The following RASGRF1 variants were observed in gnomAD, a reference collection of about 807,000 sequenced individuals.
The protein encoded by RASGRF1 is Ras protein specific guanine nucleotide releasing factor 1.
In RASGRF1, 40 loss-of-function variants were observed where a neutral mutation model predicts 138.7. The ratio of observed to expected loss-of-function variants is 0.29; its 90% CI spans 0.22 to 0.38. RASGRF1 has a LOEUF of 0.38. RASGRF1 is among the 10% of genes least tolerant of loss of function. The probability of loss-of-function intolerance (pLI) is 1.00; values close to 1 mark genes in which losing one functional copy is unlikely to be tolerated. For missense variants in RASGRF1, 1,108 were observed against 1,650.4 expected (o/e 0.67, Z 5.69); for synonymous variants, 614 against 663.2 (o/e 0.93, Z 1.14).
At chr15:79,033,377 G>A (rs937812573) in intron 6 of RASGRF1, among the ~76,000 whole-genome samples, 1 of 151,868 alleles carries the variant, frequency 6.6e-6, no homozygotes, top group African/African-American at 2.4e-5. Context: ...CAAGTAGCTG[G>A]GACTACAGGT....
intron 2 of RASGRF1, among the ~76,000 whole-genome samples, 154 bp from the exon 3 acceptor site, chr15:79,058,635 G>C (rs1488527918): frequency 6.6e-6 from 1 of 152,164 alleles, no homozygotes; most frequent in Non-Finnish European, 1.5e-5. Context: ...GGCTTGGCAG[G>C]GTAGAGGTGG....
At chr15:79,023,719 C>A (rs2056999613) in intron 10 of RASGRF1, among the ~76,000 whole-genome samples, 2 of 152,152 alleles carry the variant, frequency 1.3e-5, no homozygotes, top group Admixed American at 1.3e-4. Flanking sequence ...TGCAGGGCCG[C>A]AAGGTCCTGA....
chr15:78,967,233 A>G (rs1009286567), intron 26 of RASGRF1, among the ~76,000 whole-genome samples: 2 of 151,672 alleles, frequency 1.3e-5, no homozygotes, highest in Non-Finnish European at 2.9e-5. Flanking sequence ...ACAGAGTGAG[A>G]CCCTGCCTCA....
chr15:78,993,229 G>GTTTGTT, intron 20 of RASGRF1, among the ~76,000 whole-genome samples: 1 of 82,510 alleles, frequency 1.2e-5, no homozygotes, highest in African/African-American at 4.7e-5. Context: ...GCCTGTGTGG[G>GTTTGTT]TGATGTGTGT....
chr15:79,049,418 G>T, intron 4 of RASGRF1, 78 bp downstream of exon 4: 1 of 1,340,782 alleles, frequency 7.5e-7, no homozygotes, highest in Non-Finnish European at 1.1e-6. Flanking sequence ...TGGGGCTGTG[G>T]TGTGGATACT....
At chr15:78,977,255 G>A (rs2055892137) in intron 24 of RASGRF1, among the ~76,000 whole-genome samples, 2 of 152,150 alleles carry the variant, frequency 1.3e-5, no homozygotes, top group African/African-American at 4.8e-5. Context: ...TCTCTTACAA[G>A]TTTCTGCCGG....
intron 13 of RASGRF1, among the ~76,000 whole-genome samples, chr15:79,013,308 AC>A: frequency 6.6e-6 from 1 of 152,214 alleles, no homozygotes; most frequent in East Asian, 1.9e-4. Flanking sequence ...TTTCTGCTGT[AC>A]CCCACCACCT....
chr15:79,024,483 T>C (rs1487145837), intron 10 of RASGRF1, among the ~76,000 whole-genome samples: 2 of 151,878 alleles, frequency 1.3e-5, no homozygotes, highest in South Asian at 4.1e-4. Flanking sequence ...CATACTGATA[T>C]GGTTTGGCTG....
At chr15:78,984,979 G>A (rs2056118113) in intron 23 of RASGRF1, 28 bp downstream of exon 23, 2 of 1,605,170 alleles carry the variant, frequency 1.2e-6, no homozygotes, top group Non-Finnish European at 1.7e-6. Flanking sequence ...GCCCCAGGGA[G>A]GCAGTGGTGC....
intron 24 of RASGRF1, among the ~76,000 whole-genome samples, chr15:78,977,928 G>A (rs2055907569): frequency 6.6e-6 from 1 of 152,216 alleles, no homozygotes; most frequent in South Asian, 2.1e-4. Context: ...GGAGCTGGGG[G>A]AAGGTTCCGA....
chr15:78,973,302 C>A lies in RASGRF1; in HGVS notation c.3612+1G>T. 1 of 1,604,490 alleles carries A rather than the reference C, an allele frequency of 6.2e-7. No individual in the cohort carries two copies. Among genetic ancestry groups the A allele is most frequent in the Admixed American group, 1.7e-5 (1 of 59,648 alleles). On this transcript the variant is annotated splice_donor_variant, in intron 25 of 26. Transcript: ENST00000558480. LOFTEE classifies it high-confidence loss of function. This position sits in a 1 kb window ranked among gnomAD's most constrained non-coding sequence, Gnocchi z 4.9. ...CCCCTGCCTGGCTGGGGGGAACGCA[C>A]CATCCTCATCTTGGAGAAGTTGACC...
At chr15:79,084,658 A>G (rs1344422960) in intron 1 of RASGRF1, among the ~76,000 whole-genome samples, 1 of 152,192 alleles carries the variant, frequency 6.6e-6, no homozygotes, top group Admixed American at 6.5e-5. Flanking sequence ...TGTCCTTACC[A>G]TACTAGAGGG....
chr15:79,076,367 G>A (rs1203489887), intron 1 of RASGRF1, among the ~76,000 whole-genome samples: 1 of 152,172 alleles, frequency 6.6e-6, no homozygotes, highest in Non-Finnish European at 1.5e-5. Flanking sequence ...ATCACCCAGA[G>A]TTTGGAACCC....
At chr15:79,064,561 G>GTGTC (rs1567603597) in intron 1 of RASGRF1, 35 bp from the exon 2 acceptor site, 2 of 1,591,442 alleles carry the variant, frequency 1.3e-6, no homozygotes, top group Non-Finnish European at 1.7e-6. Flanking sequence ...AATTACCAGA[G>GTGTC]TGTCCATGGG....
intron 1 of RASGRF1, among the ~76,000 whole-genome samples, chr15:79,066,399 A>G (rs2057681514): frequency 6.6e-6 from 1 of 152,214 alleles, no homozygotes; most frequent in Non-Finnish European, 1.5e-5. Flanking sequence ...CAAAGTCCCC[A>G]CCTCAGGGAG....
chr15:79,022,424 G>C (rs2056973470), intron 10 of RASGRF1, among the ~76,000 whole-genome samples: 1 of 151,826 alleles, frequency 6.6e-6, no homozygotes, highest in African/African-American at 2.4e-5. Context: ...TGGGTGACAA[G>C]AGCGAAACTC....
chr15:79,032,086 C>G lies in RASGRF1; in HGVS notation c.1152+37G>C. 6.3e-7 allele frequency: 1 copy of G among 1,598,614 alleles called. No homozygotes were observed. ...ATGGTCCATCCCCCACACCTGCCTC[C>G]CTGACTCTACCCCACCCAGGCAGGG... On this transcript the variant is annotated intron_variant, in intron 7 of 26. Transcript: ENST00000558480. The surrounding 1 kb of genome is among the most constrained non-coding windows in gnomAD (Gnocchi z 4.5).
At chr15:79,035,827 G>A (rs1367833362) in intron 5 of RASGRF1, among the ~76,000 whole-genome samples, 1 of 152,234 alleles carries the variant, frequency 6.6e-6, no homozygotes, top group East Asian at 1.9e-4. Context: ...GTGCACAGGA[G>A]ACGCTCAGAA....
Position 79,006,266 on chromosome 15 carries a change from G to A in RASGRF1, c.1995C>T (p.Tyr665=). ...CCACGATGGCGGTGGTGAAGACGCGGTAGGAGTGCAGGAAGGTGTTGAGGA... is the reference window on the plus strand; with the variant it reads ...CCACGATGGCGGTGGTGAAGACGCGATAGGAGTGCAGGAAGGTGTTGAGGA... ...IDFLNTFLHS[Y]RVFTTAIVVL... The change falls in exon 14 of 27, where the codon TAC becomes TAT. Residue 665 remains tyrosine (Y), a synonymous_variant. Transcript: ENST00000558480. This position sits in a 1 kb window ranked among gnomAD's most constrained non-coding sequence, Gnocchi z 4.0. 1 of 1,614,194 alleles carries A rather than the reference G, an allele frequency of 6.2e-7. No individual in the cohort carries two copies. Among genetic ancestry groups the A allele is most frequent in the Non-Finnish European group, 8.5e-7 (1 of 1,180,046 alleles).
Sources: allele counts gnomAD v4.1 joint callset (sites outside exome capture counted in the v4.1 genomes callset), GRCh38; gene constraint gnomAD v4.1.1; non-coding constraint Gnocchi (gnomAD v3.1); transcripts MANE v1.5; gene names NCBI Gene and HGNC (gene_info 2026-07-23, HGNC 2026-07-21).